MGAM2: variants seen among roughly 807,000 people sequenced by gnomAD.
MGAM2 encodes maltase-glucoamylase 2 (putative), also known as probable maltase-glucoamylase 2.
In MGAM2, 98 loss-of-function variants were observed where a neutral mutation model predicts 96.1. The observed-to-expected ratio is 1.02, with a 90% CI of 0.87 to 1.21. MGAM2 has a LOEUF of 1.21. MGAM2 is among the 50% of genes most tolerant of loss of function. The probability of loss-of-function intolerance (pLI) is 0.00; values close to 1 mark genes in which losing one functional copy is unlikely to be tolerated. For missense variants in MGAM2, 2,055 were observed against 1,182.4 expected (o/e 1.74, Z -10.82); for synonymous variants, 749 against 414.8 (o/e 1.81, Z -9.79).
At chr7:142,151,739 A>G (rs1338035154) in intron 15 of MGAM2, among the ~76,000 whole-genome samples, 2 of 152,214 alleles carry the variant, frequency 1.3e-5, no homozygotes, top group Admixed American at 1.3e-4. Context: ...ATATTCTAAT[A>G]GTTATGGTTA....
intron 26 of MGAM2, among the ~76,000 whole-genome samples, chr7:142,169,253 C>T (rs1034230590): frequency 9.9e-5 from 15 of 152,030 alleles, no homozygotes; most frequent in African/African-American, 2.7e-4. Flanking sequence ...AAAACCCCGT[C>T]CCTACTAAAA....
intron 35 of MGAM2, among the ~76,000 whole-genome samples, chr7:142,186,515 C>T (rs141440087): frequency 0.023 from 3,547 of 152,278 alleles, 64 homozygotes; most frequent in Middle Eastern, 0.044. Flanking sequence ...AGCAAGTAGA[C>T]GTTTGCCATA....
intron 45 of MGAM2, among the ~76,000 whole-genome samples, chr7:142,207,349 G>A (rs914598662): frequency 2.0e-5 from 3 of 152,184 alleles, no homozygotes; most frequent in Non-Finnish European, 4.4e-5. Flanking sequence ...GAGTTTAGGA[G>A]ATGTAAGATT....
chr7:142,185,966 G>A (rs1796682729), intron 34 of MGAM2, 23 bp from the exon 35 acceptor site: 1 of 702,210 alleles, frequency 1.4e-6, no homozygotes, highest in East Asian at 2.7e-5. Context: ...CCCCGACAAT[G>A]AGAGTGTGTG....
chr7:142,160,238 A>G lies in MGAM2; in HGVS notation c.2325A>G (p.Pro775=), dbSNP rs1413894112. 2 of 701,720 alleles carry G rather than the reference A, an allele frequency of 2.9e-6. No individual in the cohort carries two copies. Among genetic ancestry groups the G allele is most frequent in the South Asian group, 3.0e-5 (2 of 67,366 alleles). 43.5% of individuals were successfully genotyped at this position (701,720 alleles called of 1,614,324 possible). A position where few individuals can be genotyped will look rare whatever the true frequency, so the allele number is the denominator to read the frequency against. ...GCTACATATTTCCCACTCAGAAGCC[A>G]AACACAACCACAGAAGCCAGGTAAG... ...RGGYIFPTQK[P]NTTTEASRRN... is the part of the protein sequence containing the mutation. Residue 775 remains proline, a synonymous_variant, in exon 21 of 48, where the codon CCA becomes CCG. Transcript: ENST00000477922.
chr7:142,118,094 T>C (rs1343015182), intron 2 of MGAM2, among the ~76,000 whole-genome samples: 1 of 152,178 alleles, frequency 6.6e-6, no homozygotes, highest in Admixed American at 6.5e-5. Context: ...TGAAACAATG[T>C]TGTACATCAG....
intron 21 of MGAM2, 99 bp downstream of exon 21, chr7:142,160,357 G>A: frequency 3.5e-6 from 2 of 574,366 alleles, no homozygotes; most frequent in South Asian, 2.3e-5. Flanking sequence ...ATGAGCCAAG[G>A]GATAAGTCAC....
chr7:142,194,788 T>C (rs959961381), intron 37 of MGAM2, among the ~76,000 whole-genome samples: 1 of 151,950 alleles, frequency 6.6e-6, no homozygotes, highest in Non-Finnish European at 1.5e-5. Context: ...CCCAAATGGA[T>C]TAGTTTACAC....
intron 46 of MGAM2, among the ~76,000 whole-genome samples, chr7:142,208,856 A>G (rs964415099): frequency 1.3e-5 from 2 of 152,214 alleles, no homozygotes; most frequent in Non-Finnish European, 2.9e-5. Flanking sequence ...AATGCTGGGG[A>G]AAAAATGGGG....
At chr7:142,158,858 T>C (rs1235826727) in intron 19 of MGAM2, among the ~76,000 whole-genome samples, 3 of 152,172 alleles carry the variant, frequency 2.0e-5, no homozygotes, top group Admixed American at 1.3e-4. Context: ...AGGATTATGC[T>C]GATCTGCTTG....
rs141181655 is a variant in MGAM2, at chr7:142,119,126, A to G, written c.107-1176A>G. On this transcript the variant is annotated intron_variant, in intron 2 of 47. Coordinates refer to ENST00000477922, the MANE Select transcript of MGAM2 (RefSeq NM_001293626.2). Reference sequence around the variant, plus strand: ...ATCCGATGTTAGGCCCTTATCAGATATATCATTTGCAGATATATTTCTTTT... The same window carrying G: ...ATCCGATGTTAGGCCCTTATCAGATGTATCATTTGCAGATATATTTCTTTT... Among the ~76,000 whole-genome samples the G allele has an allele frequency of 4.3e-3, 651 of 152,308 alleles. 4 individuals are homozygous for G. Among genetic ancestry groups the G allele is most frequent in the Middle Eastern group, 0.024 (7 of 294 alleles).
intron 31 of MGAM2, among the ~76,000 whole-genome samples, chr7:142,175,021 T>G (rs1170774672): frequency 6.6e-6 from 1 of 152,082 alleles, no homozygotes; most frequent in Non-Finnish European, 1.5e-5. Flanking sequence ...GCCTAGCCCG[T>G]TTATTTATTT....
chr7:142,164,326 A>G (rs1795969356), intron 23 of MGAM2, among the ~76,000 whole-genome samples: 1 of 152,218 alleles, frequency 6.6e-6, no homozygotes, highest in African/African-American at 2.4e-5. Flanking sequence ...CCTCATCTGA[A>G]AAACGAGGGT....
chr7:142,117,336 G>C (rs1295026954), intron 2 of MGAM2, among the ~76,000 whole-genome samples: 1 of 152,064 alleles, frequency 6.6e-6, no homozygotes, highest in Admixed American at 6.5e-5. Context: ...TATGGAAAAG[G>C]AAACTAAGGT....
intron 1 of MGAM2, among the ~76,000 whole-genome samples, chr7:142,114,394 G>A (rs1189450994): frequency 6.6e-6 from 1 of 151,952 alleles, no homozygotes; most frequent in Non-Finnish European, 1.5e-5. Context: ...TAGTAACCTC[G>A]GTGGGAGCAT....
At chr7:142,197,130 T>A (rs950150439) in intron 40 of MGAM2, among the ~76,000 whole-genome samples, 3 of 152,186 alleles carry the variant, frequency 2.0e-5, no homozygotes, top group Non-Finnish European at 4.4e-5. Flanking sequence ...ATCGAAGATA[T>A]GTTGGTGCTG....
intron 31 of MGAM2, among the ~76,000 whole-genome samples, chr7:142,174,715 C>CCCTTTTTTTT (rs1796309674): frequency 4.7e-5 from 4 of 85,460 alleles, no homozygotes; most frequent in African/African-American, 2.3e-4. Flanking sequence ...CTCTCTCTCT[C>CCCTTTTTTTT]TTTTTTTTTT....
chr7:142,187,721 C>T (rs1397090215), intron 35 of MGAM2, 29 bp from the exon 36 acceptor site: 25 of 701,248 alleles, frequency 3.6e-5, no homozygotes, highest in African/African-American at 5.2e-5. Flanking sequence ...CCTGACATGA[C>T]GAGATCTTTT....
At chr7:142,182,179 A>G (rs868676809) in intron 32 of MGAM2, among the ~76,000 whole-genome samples, 9 of 152,040 alleles carry the variant, frequency 5.9e-5, no homozygotes, top group African/African-American at 2.2e-4. Context: ...GATAATCCTG[A>G]TTTGTGTGCT....
Sources: allele counts gnomAD v4.1 joint callset (sites outside exome capture counted in the v4.1 genomes callset), GRCh38; gene constraint gnomAD v4.1.1; transcripts MANE v1.5; gene names NCBI Gene and HGNC (gene_info 2026-07-23, HGNC 2026-07-21).